The following MICAL2 variants were observed in gnomAD, a reference collection of about 807,000 sequenced individuals.
MICAL2 encodes the protein microtubule associated monooxygenase, calponin and LIM domain containing 2.
MICAL2 carries 77 observed loss-of-function variants against 127.3 expected under a neutral mutation model. That is an observed-to-expected ratio of 0.60 (90% CI 0.50 to 0.73). The LOEUF is 0.73. MICAL2 is among the 30% of genes least tolerant of loss of function. The pLI, the probability that MICAL2 is intolerant of heterozygous loss-of-function variation, is 0.00. For missense variants in MICAL2, 1,351 were observed against 1,434.4 expected (o/e 0.94, Z 0.94); for synonymous variants, 570 against 551.1 (o/e 1.03, Z -0.48).
intron 3 of MICAL2, among the ~76,000 whole-genome samples, chr11:12,163,271 G>C (rs1590137191): frequency 6.6e-6 from 1 of 152,308 alleles, no homozygotes. Context: ...GACTTCCCTG[G>C]TGGCCGTTGG....
At chr11:12,289,595 G>T (rs1035786428), downstream of MICAL2, among the ~76,000 whole-genome samples, 2 of 132,104 alleles carry the variant, frequency 1.5e-5, no homozygotes, top group Admixed American at 9.3e-5. Flanking sequence ...TTGAGATGGG[G>T]TCTCACTTGG....
intron 29 of MICAL2, chr11:12,308,229 T>C (rs1259731909): frequency 6.6e-6 from 1 of 152,080 alleles, no homozygotes; most frequent in African/African-American, 2.4e-5. Context: ...GTCTTACAAC[T>C]TTGTTTTTCT....
chr11:12,270,978 G>T (rs754302166), intron 24 of MICAL2, among the ~76,000 whole-genome samples: 14 of 152,330 alleles, frequency 9.2e-5, no homozygotes, highest in Middle Eastern at 3.4e-3. Flanking sequence ...CAGGGGTCTG[G>T]CCAGGAAAGG....
chr11:12,356,198 A>G (rs1378444551), intron 34 of MICAL2, among the ~76,000 whole-genome samples: 2 of 152,226 alleles, frequency 1.3e-5, no homozygotes, highest in African/African-American at 4.8e-5. Context: ...TGTCAGATGT[A>G]TCCAAAAAAT....
intron 4 of MICAL2, among the ~76,000 whole-genome samples, chr11:12,207,168 T>A (rs984109091): frequency 1.1e-4 from 16 of 152,090 alleles, no homozygotes; most frequent in Non-Finnish European, 2.1e-4. Context: ...CTCTCTTGGC[T>A]TCCAGGACCC....
At position 12,256,831 on chromosome 11, in the gene MICAL2, C is replaced by T. The variant is rs372224983; in HGVS notation, c.3002C>T (p.Thr1001Met). 63 of 1,613,832 alleles carry T rather than the reference C, an allele frequency of 3.9e-5. No homozygotes were observed. The highest frequency in any genetic ancestry group is 5.2e-5 in the Non-Finnish European group (61 of 1,179,884). Reference sequence around the variant, plus strand: ...CCCCTTAACCTGGGAGGCAGCGACACGTGTTACTTCTGTAAGAAACGTGTG... The same window carrying T: ...CCCCTTAACCTGGGAGGCAGCGACATGTGTTACTTCTGTAAGAAACGTGTG... ...SFPLNLGGSD[T>M]CYFCKKRVYV... Residue 1001 changes from threonine (T) to methionine (M), a missense_variant, in exon 24 of 28, where the codon ACG (threonine) becomes ATG (methionine). Thr to Met is a moderately conservative substitution (Grantham distance 81, BLOSUM62 -1). This residue lies in a region of MICAL2 where 752 missense variants were observed against 719.4 expected (regional missense o/e 1.05). Transcript: ENST00000683283.
At chr11:12,192,052 C>G (rs1440072876) in intron 3 of MICAL2, among the ~76,000 whole-genome samples, 1 of 151,950 alleles carries the variant, frequency 6.6e-6, no homozygotes, top group Non-Finnish European at 1.5e-5. Context: ...CACCCCCACC[C>G]CCGCCCGCCA....
intron 2 of MICAL2, among the ~76,000 whole-genome samples, chr11:12,139,557 G>GCA (rs1257298146): frequency 1.3e-4 from 20 of 152,282 alleles, no homozygotes; most frequent in Non-Finnish European, 1.9e-4. Context: ...TGGGCGCTGA[G>GCA]GGATCACGTG....
downstream of MICAL2, chr11:12,293,889 A>T (rs754917698): frequency 1.2e-6 from 2 of 1,610,826 alleles, no homozygotes; most frequent in Admixed American, 1.7e-5. Flanking sequence ...GCTGGAGAAG[A>T]CCGGGAAAAA....
downstream of MICAL2, among the ~76,000 whole-genome samples, chr11:12,361,481 C>G (rs1206199578): frequency 2.0e-5 from 3 of 152,142 alleles, no homozygotes; most frequent in Non-Finnish European, 4.4e-5. Flanking sequence ...ACGTTTATCT[C>G]AAGCATAAAG....
chr11:12,228,779 G>T (rs1373628585), intron 15 of MICAL2, among the ~76,000 whole-genome samples: 1 of 152,220 alleles, frequency 6.6e-6, no homozygotes, highest in Non-Finnish European at 1.5e-5. Flanking sequence ...CAGGCTATGG[G>T]ATTTGGATGT....
intron 2 of MICAL2, among the ~76,000 whole-genome samples, chr11:12,146,531 A>G (rs1852924102): frequency 6.6e-6 from 1 of 152,250 alleles, no homozygotes; most frequent in African/African-American, 2.4e-5. Flanking sequence ...CACACCAGTT[A>G]GAACGGTGAT....
intron 2 of MICAL2, chr11:12,281,116 C>A (rs556177730): frequency 7.5e-6 from 3 of 398,672 alleles, no homozygotes; most frequent in African/African-American, 2.1e-5. Context: ...AGAGAGCCCA[C>A]CAGGCTTGAT....
At chr11:12,208,196 C>T in intron 5 of MICAL2, 57 bp downstream of exon 5, 1 of 1,352,616 alleles carries the variant, frequency 7.4e-7, no homozygotes, top group South Asian at 1.2e-5. Context: ...ATAGAAATTC[C>T]ACTTGCTGCT....
intron 8 of MICAL2, chr11:12,216,531 G>A (rs192392516): frequency 1.6e-5 from 9 of 577,554 alleles, no homozygotes; most frequent in East Asian, 5.7e-5. Context: ...GCAGAGGGAC[G>A]TGTGCTGCTG....
chr11:12,255,753 A>T lies in MICAL2; in HGVS notation c.2955+3A>T. On this transcript the variant is annotated splice_donor_region_variant and intron_variant, in intron 23 of 27. Transcript: ENST00000683283. ...CCCAGGCCACCTCTCCAGACCTGGTAAGGACATGCACCCCCAGCCTTCACC... is the reference window on the plus strand; with the variant it reads ...CCCAGGCCACCTCTCCAGACCTGGTTAGGACATGCACCCCCAGCCTTCACC... The T allele has an allele frequency of 6.2e-7, 1 of 1,609,126 alleles. No homozygotes were observed. The highest frequency in any genetic ancestry group is 8.5e-7 in the Non-Finnish European group (1 of 1,176,726).
At chr11:12,163,122 C>T (rs1160191753) in intron 3 of MICAL2, among the ~76,000 whole-genome samples, 1 of 152,174 alleles carries the variant, frequency 6.6e-6, no homozygotes, top group Non-Finnish European at 1.5e-5. Context: ...CATAGTTAAG[C>T]CTACACGAAC....
intron 2 of MICAL2, among the ~76,000 whole-genome samples, chr11:12,149,782 G>T (rs181466807): frequency 8.5e-5 from 13 of 152,286 alleles, no homozygotes; most frequent in African/African-American, 3.1e-4. Context: ...CCAACTGTTG[G>T]TGACACAAGG....
intron 11 of MICAL2, 44 bp from the exon 12 acceptor site, chr11:12,223,367 T>G: frequency 6.4e-7 from 1 of 1,559,178 alleles, no homozygotes; most frequent in Non-Finnish European, 8.8e-7. Context: ...GAGACTAGGA[T>G]TTGGGGGAAA....
Sources: gnomAD v4.1 joint callset for allele counts (sites outside exome capture counted in the v4.1 genomes callset) on GRCh38, gnomAD v4.1.1 for gene constraint, gnomAD v4.1.1 regional missense constraint, MANE v1.5 for transcripts, NCBI Gene and HGNC (gene_info 2026-07-23, HGNC 2026-07-21) for gene names.